The following NUGGC variants were observed in gnomAD, a reference collection of about 807,000 sequenced individuals.
NUGGC encodes nuclear GTPase, germinal center associated.
NUGGC carries 58 observed loss-of-function variants against 92.6 expected under a neutral mutation model. The ratio of observed to expected loss-of-function variants is 0.63; its 90% confidence interval spans 0.51 to 0.78. The LOEUF is 0.78. Among genes scored for constraint, NUGGC ranks in the 30% least tolerant of loss-of-function variants. The pLI, the probability that NUGGC is intolerant of heterozygous loss-of-function variation, is 0.00. For missense variants in NUGGC, 925 were observed against 964.6 expected (o/e 0.96, Z 0.54); for synonymous variants, 376 against 366.4 (o/e 1.03, Z -0.30).
intron 7 of NUGGC, among the ~76,000 whole-genome samples, chr8:28,063,255 C>T (rs746904883): frequency 1.3e-5 from 2 of 152,218 alleles, no homozygotes; most frequent in Admixed American, 6.5e-5. Flanking sequence ...ACGGTGGGAA[C>T]CATCCCTCGC....
rs554346111 is a variant in NUGGC, at chr8:28,061,537, T to G, written c.922-936A>C. ...CATCATTTTGCTTTATACCAGTAGT[T>G]TTTAACTAGTAGAGGTTTTGTGCCC... On this transcript the variant is annotated intron_variant, in intron 7 of 18. Coordinates refer to ENST00000413272, the MANE Select transcript of NUGGC (RefSeq NM_001010906.2). Among the ~76,000 whole-genome samples, 4 of 152,312 alleles carry G rather than the reference T, an allele frequency of 2.6e-5. No individual in the cohort carries two copies. The South Asian group carries it at 6.2e-4, about 24-fold the overall frequency.
chr8:28,064,744 G>A lies in NUGGC; in HGVS notation c.712-13C>T. The A allele has an allele frequency of 1.9e-6, 3 of 1,610,932 alleles. No homozygotes were observed. Among genetic ancestry groups the A allele is most frequent in the South Asian group, 2.2e-5 (2 of 90,978 alleles). On this transcript the variant is annotated splice_polypyrimidine_tract_variant and intron_variant, in intron 6 of 18. Transcript: ENST00000413272. Reference sequence around the variant, plus strand: ...ACAGCTCTTCTGCCTGAAGAAGGAGGACAGAGTCACACACACCAGCCATGC... The same window carrying A: ...ACAGCTCTTCTGCCTGAAGAAGGAGAACAGAGTCACACACACCAGCCATGC...
intron 10 of NUGGC, among the ~76,000 whole-genome samples, chr8:28,053,610 C>T (rs1810061602): frequency 2.0e-5 from 3 of 152,154 alleles, no homozygotes; most frequent in African/African-American, 7.2e-5. Flanking sequence ...GGTTTTAGGC[C>T]TCAGAAGAAC....
chr8:28,072,582 T>G (rs902564211), intron 2 of NUGGC, among the ~76,000 whole-genome samples: 3 of 152,192 alleles, frequency 2.0e-5, no homozygotes, highest in Middle Eastern at 3.2e-3. Flanking sequence ...TTGTAAGGAC[T>G]GGCAACGAAT....
intron 8 of NUGGC, 46 bp from the exon 9 acceptor site, chr8:28,058,322 T>A: frequency 2.7e-6 from 1 of 373,418 alleles, no homozygotes; most frequent in Non-Finnish European, 4.8e-6. Context: ...ATTTTTACTA[T>A]GTGTCACTGC....
At chr8:28,051,286 G>C (rs1025186057) in intron 10 of NUGGC, among the ~76,000 whole-genome samples, 1 of 152,126 alleles carries the variant, frequency 6.6e-6, no homozygotes, top group Non-Finnish European at 1.5e-5. Context: ...AATGCTAAAG[G>C]GAGTCAGCTT....
intron 13 of NUGGC, among the ~76,000 whole-genome samples, chr8:28,038,832 C>T (rs1398536356): frequency 1.3e-5 from 2 of 152,132 alleles, no homozygotes; most frequent in East Asian, 3.9e-4. Context: ...GATGTGGAGT[C>T]CATGCATGGC....
At chr8:28,065,256 G>A (rs549289621) in intron 6 of NUGGC, among the ~76,000 whole-genome samples, 4 of 148,428 alleles carry the variant, frequency 2.7e-5, no homozygotes, top group African/African-American at 7.5e-5. Flanking sequence ...CGCCTCCCGG[G>A]TTCACGCCAT....
At chr8:28,074,997 A>C (rs1196225059) in intron 1 of NUGGC, among the ~76,000 whole-genome samples, 1 of 152,208 alleles carries the variant, frequency 6.6e-6, no homozygotes, top group Non-Finnish European at 1.5e-5. Flanking sequence ...ACTCACGCTG[A>C]AATGAGAATA....
chr8:28,081,867 G>C (rs1199490574), intron 1 of NUGGC, among the ~76,000 whole-genome samples: 1 of 148,048 alleles, frequency 6.8e-6, no homozygotes, highest in African/African-American at 2.5e-5. Flanking sequence ...AACAGAGTGA[G>C]ACTCCATCTC....
chr8:28,051,175 G>T (rs1809991554), intron 10 of NUGGC, among the ~76,000 whole-genome samples: 2 of 152,106 alleles, frequency 1.3e-5, no homozygotes, highest in African/African-American at 4.8e-5. Flanking sequence ...AGATTCCTGG[G>T]GAGTAGTTGT....
At chr8:28,034,072 A>G (rs1212324246) in intron 13 of NUGGC, among the ~76,000 whole-genome samples, 2 of 152,264 alleles carry the variant, frequency 1.3e-5, no homozygotes, top group African/African-American at 4.8e-5. Flanking sequence ...TGTTTGAGAA[A>G]TATTTGCTAA....
chr8:28,057,444 T>A (rs894985552), intron 9 of NUGGC, among the ~76,000 whole-genome samples: 5 of 151,100 alleles, frequency 3.3e-5, no homozygotes, highest in African/African-American at 1.2e-4. Context: ...CAGGTTCAAG[T>A]GACTGTCCTG....
chr8:28,052,728 A>T (rs1810037542), intron 10 of NUGGC, among the ~76,000 whole-genome samples: 1 of 152,230 alleles, frequency 6.6e-6, no homozygotes, highest in Admixed American at 6.5e-5. Flanking sequence ...TAGGAGGTTC[A>T]TACACTGCAC....
intron 1 of NUGGC, among the ~76,000 whole-genome samples, chr8:28,078,457 G>T (rs1259766116): frequency 6.6e-6 from 1 of 152,190 alleles, no homozygotes; most frequent in Non-Finnish European, 1.5e-5. Flanking sequence ...GAGGTGGGAA[G>T]AACATTAGGC....
chr8:28,025,384 T>C (rs1809231498), intron 18 of NUGGC, among the ~76,000 whole-genome samples: 1 of 152,172 alleles, frequency 6.6e-6, no homozygotes, highest in Admixed American at 6.5e-5. Context: ...GACATCAAAC[T>C]GAGGGGAGCA....
In NUGGC at chr8:28,033,639, C is replaced by T. The variant is rs1157156769; in HGVS notation, c.1670G>A (p.Gly557Asp). The stretch of plus-strand genomic sequence containing the variant: ...CGCCAGAGTCCTGGAGGCATAGATG[C>T]CATTTTTCAGGCAAACAGCTTTCAG... ...QTLKAVCLKN[G>D]IYASRTLARI... The change falls in exon 14 of 19, where the codon GGC (glycine) becomes GAC (aspartate). Residue 557 changes from glycine (G) to aspartate (D), a missense_variant. By Grantham distance (94) the Gly-to-Asp change is moderately conservative. Coordinates refer to ENST00000413272, the MANE Select transcript of NUGGC (RefSeq NM_001010906.2). 3 of 1,613,778 alleles carry T rather than the reference C, an allele frequency of 1.9e-6. No homozygotes were observed. The highest frequency in any genetic ancestry group is 2.2e-5 in the South Asian group (2 of 91,082).
intron 13 of NUGGC, among the ~76,000 whole-genome samples, chr8:28,039,647 C>T (rs1809643542): frequency 1.3e-5 from 2 of 152,142 alleles, no homozygotes; most frequent in South Asian, 2.1e-4. Flanking sequence ...TCCAGGAAGC[C>T]AACCACCCCA....
At chr8:28,078,724 G>A (rs756584743) in intron 1 of NUGGC, among the ~76,000 whole-genome samples, 1 of 152,176 alleles carries the variant, frequency 6.6e-6, no homozygotes, top group African/African-American at 2.4e-5. Context: ...GCCAAGAGCA[G>A]TACACCAAGA....
Sources: gnomAD v4.1 joint callset for allele counts (sites outside exome capture counted in the v4.1 genomes callset) on GRCh38, gnomAD v4.1.1 for gene constraint, MANE v1.5 for transcripts, NCBI Gene and HGNC (gene_info 2026-07-23, HGNC 2026-07-21) for gene names.